The following DDR2 variants were observed in gnomAD, a reference collection of about 807,000 sequenced individuals.
The protein encoded by DDR2 is discoidin domain-containing receptor 2.
Under a neutral mutation model 94.9 loss-of-function variants are expected in DDR2, and 27 were observed. The ratio of observed to expected loss-of-function variants is 0.28; its 90% CI spans 0.21 to 0.39. DDR2 has a LOEUF of 0.39. Among genes scored for constraint, DDR2 ranks in the 10% least tolerant of loss-of-function variants. DDR2 has a pLI of 1.00. For missense variants in DDR2, 783 were observed against 1,076.0 expected (o/e 0.73, Z 3.81); for synonymous variants, 382 against 377.2 (o/e 1.01, Z -0.15).
chr1:162,766,122 AGG>A, intron 10 of DDR2, 59 bp downstream of exon 10: 1 of 1,584,384 alleles, frequency 6.3e-7, no homozygotes, highest in East Asian at 2.2e-5. Context: ...GGGATGAAGA[AGG>A]GTGGAGAGTT....
rs28634351 is a variant in DDR2 at position 162,776,662 on chromosome 1, T to C, written c.2283+292T>C. Reference sequence around the variant, plus strand: ...CCTAGTGATTGTTCTTAATTTAAGATATTAAAAACCTTATCATTTAAAGAA... The same window carrying C: ...CCTAGTGATTGTTCTTAATTTAAGACATTAAAAACCTTATCATTTAAAGAA... On this transcript the variant is annotated intron_variant, in intron 16 of 17. Transcript: ENST00000367921. Among the ~76,000 whole-genome samples, 572 of 152,354 alleles carry C rather than the reference T, an allele frequency of 3.8e-3. 2 individuals carry two copies. Among genetic ancestry groups the C allele is most frequent in the African/African-American group, 0.013 (537 of 41,584 alleles).
rs1471973385 is a variant in DDR2 at position 162,783,760 on chromosome 1, A to T, written c.*3514A>T. ...AAAGGGGAAGTTCCTCTTGGAAAAG[A>T]TATAGCAACCATCGGGGAATGACCT... On this transcript the variant is annotated 3_prime_UTR_variant, in exon 18 of 18. Coordinates refer to ENST00000367921, the MANE Select transcript of DDR2 (RefSeq NM_006182.4). 6.6e-6 allele frequency: 1 copy of T among 152,224 alleles called. No individual in the cohort carries two copies. The allele number at this position is 152,224 out of a possible 1,614,324, so 9.4% of individuals were successfully genotyped here.
chr1:162,643,499 T>G (rs1411722389), intron 1 of DDR2, among the ~76,000 whole-genome samples: 1 of 152,102 alleles, frequency 6.6e-6, no homozygotes, highest in Non-Finnish European at 1.5e-5. Flanking sequence ...TTTTCTTTCT[T>G]GAGATGGAGT....
At chr1:162,650,721 C>A (rs1657646166) in intron 1 of DDR2, among the ~76,000 whole-genome samples, 1 of 152,044 alleles carries the variant, frequency 6.6e-6, no homozygotes, top group Non-Finnish European at 1.5e-5. Flanking sequence ...TCAATCCTCT[C>A]CACATTATTA....
rs199802866 is a variant in DDR2 at position 162,753,092 on chromosome 1, T to C, written c.83-3T>C. 1.9e-6 allele frequency: 3 copies of C among 1,612,936 alleles called. No homozygotes were observed. The highest frequency in any genetic ancestry group is 2.5e-6 in the Non-Finnish European group (3 of 1,179,184). On this transcript the variant is annotated splice_polypyrimidine_tract_variant and splice_region_variant and intron_variant, in intron 3 of 17. Coordinates refer to ENST00000367921, the MANE Select transcript of DDR2 (RefSeq NM_006182.4). ...CTTTTCTCTTTGGTTTCTCTTGGTC[T>C]AGCTATATGCCGCTATCCTCTGGGC... is the stretch of plus-strand genomic sequence containing the variant.
chr1:162,741,524 G>A, intron 3 of DDR2: 2 of 935,132 alleles, frequency 2.1e-6, no homozygotes, highest in Non-Finnish European at 2.5e-6. Context: ...CAAGGGTAAA[G>A]CAAAGATAAG....
intron 11 of DDR2, 74 bp from the exon 12 acceptor site, chr1:162,770,228 C>A: frequency 7.1e-7 from 1 of 1,409,092 alleles, no homozygotes; most frequent in Non-Finnish European, 1.0e-6. Flanking sequence ...AGTGGGAGAG[C>A]TGAGTTTAAG....
In DDR2 at chr1:162,781,919, A is replaced by G. The variant is rs1647925741; in HGVS notation, c.*1673A>G. ...TTGCCCTCACCAGTTTACCTTCTAC[A>G]ACAGTTTCTCAGGAACATGTGTATT... On this transcript the variant is annotated 3_prime_UTR_variant, in exon 18 of 18. Coordinates refer to ENST00000367921, the MANE Select transcript of DDR2 (RefSeq NM_006182.4). 1 of 152,226 alleles carries G rather than the reference A, an allele frequency of 6.6e-6. No homozygotes were observed. Among genetic ancestry groups the G allele is most frequent in the South Asian group, 2.1e-4 (1 of 4,828 alleles). The allele number at this position is 152,226 out of a possible 1,614,324, so 9.4% of individuals were successfully genotyped here.
intron 2 of DDR2, among the ~76,000 whole-genome samples, chr1:162,667,611 A>C (rs1658647692): frequency 6.6e-6 from 1 of 152,250 alleles, no homozygotes; most frequent in Non-Finnish European, 1.5e-5. Context: ...GAAGAAATGC[A>C]CTGGTGGTGA....
At chr1:162,659,349 A>G (rs1658176801) in intron 2 of DDR2, among the ~76,000 whole-genome samples, 1 of 152,148 alleles carries the variant, frequency 6.6e-6, no homozygotes, top group East Asian at 1.9e-4. Flanking sequence ...GGGGGCTAGG[A>G]AGGAATTTGA....
chr1:162,693,654 GA>G (rs905291506), intron 2 of DDR2, among the ~76,000 whole-genome samples: 23 of 152,182 alleles, frequency 1.5e-4, no homozygotes, highest in Non-Finnish European at 2.9e-5. Context: ...AAGAATAATG[GA>G]GCTGGGCTGA....
chr1:162,696,715 C>T (rs1214690839), intron 2 of DDR2, among the ~76,000 whole-genome samples: 1 of 152,170 alleles, frequency 6.6e-6, no homozygotes, highest in Non-Finnish European at 1.5e-5. Context: ...CCCCTTTCCT[C>T]CCTCCTCTCC....
chr1:162,729,294 A>AT (rs1455925320), intron 3 of DDR2, among the ~76,000 whole-genome samples: 2,258 of 29,466 alleles, frequency 0.077, 73 homozygotes, highest in African/African-American at 0.19. Context: ...ATATATATAT[A>AT]TATATATTTT....
At chr1:162,673,790 A>G (rs999998250) in intron 2 of DDR2, among the ~76,000 whole-genome samples, 13 of 152,052 alleles carry the variant, frequency 8.5e-5, no homozygotes, top group Non-Finnish European at 1.5e-4. Flanking sequence ...ATTTCCCCCC[A>G]TGGACCATGC....
At chr1:162,734,612 G>A (rs1662208337) in intron 3 of DDR2, among the ~76,000 whole-genome samples, 1 of 152,252 alleles carries the variant, frequency 6.6e-6, no homozygotes, top group South Asian at 2.1e-4. Flanking sequence ...CTGGCTGACA[G>A]CTGAAGGATG....
At chr1:162,649,325 G>A (rs576606943) in intron 1 of DDR2, among the ~76,000 whole-genome samples, 1 of 152,260 alleles carries the variant, frequency 6.6e-6, no homozygotes, top group African/African-American at 2.4e-5. Flanking sequence ...AGCACCTTGA[G>A]AGAAGAGGAT....
intron 2 of DDR2, among the ~76,000 whole-genome samples, chr1:162,662,095 C>T (rs1371083890): frequency 6.6e-6 from 1 of 152,156 alleles, no homozygotes; most frequent in Non-Finnish European, 1.5e-5. Context: ...CCCTAAGATG[C>T]AGAGCTGATT....
At chr1:162,672,935 G>A (rs1658941497) in intron 2 of DDR2, among the ~76,000 whole-genome samples, 1 of 152,054 alleles carries the variant, frequency 6.6e-6, no homozygotes, top group African/African-American at 2.4e-5. Context: ...TGATTTCTGG[G>A]ATGAAAATAG....
At chr1:162,722,793 T>C (rs1393500244) in intron 3 of DDR2, among the ~76,000 whole-genome samples, 1 of 152,218 alleles carries the variant, frequency 6.6e-6, no homozygotes, top group African/African-American at 2.4e-5. Context: ...TTAAGTTGGA[T>C]TAGATAATCT....
Sources: allele counts gnomAD v4.1 joint callset (sites outside exome capture counted in the v4.1 genomes callset), GRCh38; gene constraint gnomAD v4.1.1; transcripts MANE v1.5; gene names NCBI Gene and HGNC (gene_info 2026-07-23, HGNC 2026-07-21).